Variants in TTC27 observed in about 807,000 individuals in gnomAD.
TTC27 encodes tetratricopeptide repeat domain 27, also known as tetratricopeptide repeat protein 27.
In TTC27, 79 loss-of-function variants were observed where a neutral mutation model predicts 115.9. The observed-to-expected ratio is 0.68, with a 90% CI of 0.57 to 0.82. The LOEUF (loss-of-function observed/expected upper bound fraction) is 0.82. Among genes scored for constraint, TTC27 ranks in the 40% least tolerant of loss-of-function variants. The pLI is 0.00. For synonymous variants in TTC27, 401 were observed against 356.0 expected (o/e 1.13, Z -1.42); for missense variants, 1,054 against 993.1 (o/e 1.06, Z -0.82).
At chr2:32,703,721 C>T (rs1180510886) in intron 10 of TTC27, among the ~76,000 whole-genome samples, 2 of 152,176 alleles carry the variant, frequency 1.3e-5, no homozygotes, top group Non-Finnish European at 2.9e-5. Flanking sequence ...CTCTTTTACA[C>T]ATTTTCTCTT....
At chr2:32,693,763 A>G (rs1256219983) in intron 9 of TTC27, among the ~76,000 whole-genome samples, 2 of 152,244 alleles carry the variant, frequency 1.3e-5, no homozygotes, top group Admixed American at 6.5e-5. Context: ...GTAGGAGAAC[A>G]TCTTTGAGAC....
intron 6 of TTC27, among the ~76,000 whole-genome samples, chr2:32,666,060 C>G (rs892932672): frequency 2.0e-5 from 3 of 152,186 alleles, no homozygotes; most frequent in Non-Finnish European, 4.4e-5. Context: ...TCTTTGTAAT[C>G]TGACCTTGTC....
chr2:32,725,237 C>G (rs1668068940), intron 10 of TTC27, among the ~76,000 whole-genome samples: 3 of 152,122 alleles, frequency 2.0e-5, no homozygotes, highest in Admixed American at 2.0e-4. Context: ...AACAGTCCCC[C>G]AAAGTCTTAA....
At chr2:32,650,030 T>G (rs1356944545) in intron 4 of TTC27, 101 bp from the exon 5 acceptor site, 1 of 953,978 alleles carries the variant, frequency 1.0e-6, no homozygotes, top group Non-Finnish European at 1.6e-6. Flanking sequence ...AGGAATAAAT[T>G]TAATTTTATG....
chr2:32,692,803 C>G (rs1002346864), intron 9 of TTC27, among the ~76,000 whole-genome samples: 56 of 152,034 alleles, frequency 3.7e-4, no homozygotes, highest in African/African-American at 1.3e-3. Context: ...AAAATCTTGT[C>G]TCTGCAAAAA....
At chr2:32,668,711 G>T (rs1448684753) in intron 7 of TTC27, among the ~76,000 whole-genome samples, 2 of 151,906 alleles carry the variant, frequency 1.3e-5, no homozygotes, top group East Asian at 3.9e-4. Context: ...TGTAATACAT[G>T]TTACAGGGTT....
intron 16 of TTC27, among the ~76,000 whole-genome samples, chr2:32,792,476 CTGTTTTTTGTTT>C (rs1670568481): frequency 6.6e-6 from 1 of 151,564 alleles, no homozygotes; most frequent in Non-Finnish European, 1.5e-5. Context: ...AGTCTAAGAA[CTGTTTTTTGTTT>C]TGTTTTTTGG....
chr2:32,721,631 T>C (rs1324342005), intron 10 of TTC27, among the ~76,000 whole-genome samples: 1 of 151,202 alleles, frequency 6.6e-6, no homozygotes. Flanking sequence ...TTTTTTTTTT[T>C]TTTTTTCTTT....
chr2:32,786,015 A>G (rs972949218), intron 15 of TTC27, among the ~76,000 whole-genome samples: 1 of 152,020 alleles, frequency 6.6e-6, no homozygotes, highest in African/African-American at 2.4e-5. Context: ...TTCAATGTAA[A>G]TTATTTCTTT....
At chr2:32,811,609 G>A (rs1257774143) in intron 17 of TTC27, among the ~76,000 whole-genome samples, 3 of 152,148 alleles carry the variant, frequency 2.0e-5, no homozygotes, top group Non-Finnish European at 4.4e-5. Flanking sequence ...CTGAGATGGG[G>A]ATTAGGAAAA....
intron 7 of TTC27, among the ~76,000 whole-genome samples, chr2:32,670,001 C>T (rs1228918901): frequency 6.6e-6 from 1 of 151,496 alleles, no homozygotes; most frequent in Non-Finnish European, 1.5e-5. Flanking sequence ...GCCTTAGCCT[C>T]CGAGTAGCTG....
intron 17 of TTC27, 135 bp from the exon 18 acceptor site, chr2:32,812,369 G>A: frequency 3.3e-6 from 2 of 614,256 alleles, no homozygotes; most frequent in Non-Finnish European, 5.8e-6. Flanking sequence ...TTTGGTGAGA[G>A]TAATAGACGC....
chr2:32,747,481 CTT>C (rs1313468988), intron 12 of TTC27, among the ~76,000 whole-genome samples: 1 of 152,120 alleles, frequency 6.6e-6, no homozygotes, highest in East Asian at 1.9e-4. Context: ...TGTTCTGTAT[CTT>C]ATACAGTTTA....
rs565347804 is a variant in TTC27 at position 32,642,462 on chromosome 2, G to A, written c.537+2052G>A. 9.9e-5 allele frequency among the ~76,000 whole-genome samples: 15 copies of A among 151,046 alleles called. 2 individuals carry two copies. The South Asian group carries it at 2.3e-3, about 23-fold the overall frequency. ...GAGACATGGTTTCGCCATGTTGGCC[G>A]TGTTGGTTTCAAACTCCTAGCCTCA... On this transcript the variant is annotated intron_variant, in intron 4 of 19. Transcript: ENST00000317907.
chr2:32,800,197 G>A (rs1670874326), intron 16 of TTC27, among the ~76,000 whole-genome samples: 2 of 152,144 alleles, frequency 1.3e-5, no homozygotes, highest in African/African-American at 2.4e-5. Flanking sequence ...TTTTGTTTTT[G>A]TGTTTTTTGA....
chr2:32,727,379 T>C (rs950737750), intron 10 of TTC27, among the ~76,000 whole-genome samples: 1 of 152,234 alleles, frequency 6.6e-6, no homozygotes, highest in Non-Finnish European at 1.5e-5. Flanking sequence ...CTTTCTTGTT[T>C]GTTTTTAGAC....
intron 5 of TTC27, among the ~76,000 whole-genome samples, chr2:32,656,985 C>CTTTTT (rs11386617): frequency 7.6e-6 from 1 of 131,462 alleles, no homozygotes; most frequent in Non-Finnish European, 1.6e-5. Context: ...TAGCACAATT[C>CTTTTT]TTTTTTTTTT....
intron 18 of TTC27, among the ~76,000 whole-genome samples, chr2:32,815,093 G>A (rs902328875): frequency 6.6e-6 from 1 of 152,004 alleles, no homozygotes; most frequent in Non-Finnish European, 1.5e-5. Context: ...TACATTTATA[G>A]TTTCTGCTAT....
intron 10 of TTC27, among the ~76,000 whole-genome samples, chr2:32,732,630 G>T (rs1374464868): frequency 1.3e-5 from 2 of 151,310 alleles, no homozygotes; most frequent in African/African-American, 4.9e-5. Flanking sequence ...AATTAATTTT[G>T]TAAAAATTTT....
Sources: gnomAD v4.1 joint callset for allele counts (sites outside exome capture counted in the v4.1 genomes callset) on GRCh38, gnomAD v4.1.1 for gene constraint, MANE v1.5 for transcripts, NCBI Gene and HGNC (gene_info 2026-07-23, HGNC 2026-07-21) for gene names.